Variants in MYO1C observed in about 807,000 individuals in gnomAD.
The protein encoded by MYO1C is unconventional myosin-Ic.
MYO1C carries 104 observed loss-of-function variants against 150.8 expected under a neutral mutation model. The observed-to-expected ratio is 0.69, with a 90% CI of 0.59 to 0.81. The LOEUF is 0.81. MYO1C is among the 30% of genes least tolerant of loss of function. The pLI, the probability that MYO1C is intolerant of heterozygous loss-of-function variation, is 0.00. For missense variants in MYO1C, 1,504 were observed against 1,435.0 expected (o/e 1.05, Z -0.78); for synonymous variants, 663 against 579.9 (o/e 1.14, Z -2.06).
chr17:1,484,952 G>C (rs1225548533), intron 1 of MYO1C: 1 of 469,488 alleles, frequency 2.1e-6, no homozygotes, highest in Admixed American at 2.4e-5. Flanking sequence ...ACACCAGAGG[G>C]GTTCCCCCAG....
Position 1,474,688 on chromosome 17 carries a change from G to A in MYO1C, c.1719C>T (p.Thr573=). 2 of 1,613,966 alleles carry A rather than the reference G, an allele frequency of 1.2e-6. No homozygotes were observed. Among genetic ancestry groups the A allele is most frequent in the Non-Finnish European group, 1.7e-6 (2 of 1,179,892 alleles). Reference sequence around the variant, plus strand: ...TAATGGGATTCTTTGAGCTACACATGGTCTGTGTGGGCAGAGCCGGGGTCA... The same window carrying A: ...TAATGGGATTCTTTGAGCTACACATAGTCTGTGTGGGCAGAGCCGGGGTCA... ...NDLLFRNLKE[T]MCSSKNPIMS... is the part of the protein sequence containing the mutation. The change falls in exon 17 of 32, where the codon ACC becomes ACT. Residue 573 remains threonine (T), a splice_region_variant and synonymous_variant. Coordinates refer to ENST00000648651, the MANE Select transcript of MYO1C (RefSeq NM_001080779.2).
At chr17:1,472,367 G>T in intron 17 of MYO1C, 139 bp from the exon 18 acceptor site, 2 of 721,476 alleles carry the variant, frequency 2.8e-6, no homozygotes, top group Non-Finnish European at 2.3e-6. Context: ...TCCCACCACA[G>T]CTTCCTCGCA....
rs1331474960 is a variant in MYO1C at position 1,472,242 on chromosome 17, A to G, written c.1798-14T>C. ...CTGGGTGGCGACCTGGCGAGCCAAGAGGCATGGGAGGTTGGCCGGAGCTGG... is the reference window on the plus strand; with the variant it reads ...CTGGGTGGCGACCTGGCGAGCCAAGGGGCATGGGAGGTTGGCCGGAGCTGG... On this transcript the variant is annotated splice_polypyrimidine_tract_variant and intron_variant, in intron 17 of 31. Coordinates refer to ENST00000648651, the MANE Select transcript of MYO1C (RefSeq NM_001080779.2). 2.5e-6 allele frequency: 4 copies of G among 1,612,496 alleles called. No individual in the cohort carries two copies. In the South Asian group the frequency reaches 3.3e-5, roughly 13 times the overall value.
intron 5 of MYO1C, among the ~76,000 whole-genome samples, chr17:1,481,823 A>G (rs1174034209): frequency 1.7e-4 from 13 of 75,378 alleles, no homozygotes; most frequent in African/African-American, 1.1e-3. Context: ...TTCTACTCAG[A>G]GTTAAAAAAA....
At position 1,470,599 on chromosome 17, in the gene MYO1C, G is replaced by C. The variant is rs751600621; in HGVS notation, c.2281+22C>G. 3.1e-6 allele frequency: 5 copies of C among 1,608,694 alleles called. No individual in the cohort carries two copies. The Admixed American group carries it at 6.7e-5, about 22-fold the overall frequency. On this transcript the variant is annotated intron_variant, in intron 22 of 31. Coordinates refer to ENST00000648651, the MANE Select transcript of MYO1C (RefSeq NM_001080779.2). ...CCTGGCCCCAGACCCCGCCCCTCCT[G>C]AACACCCATGGGCCCGCGAACCTGA... is the stretch of plus-strand genomic sequence containing the variant.
At chr17:1,466,858 C>T (rs2074182414) in intron 31 of MYO1C, among the ~76,000 whole-genome samples, 1 of 152,152 alleles carries the variant, frequency 6.6e-6, no homozygotes, top group Admixed American at 6.5e-5. Flanking sequence ...AACTCCTGAT[C>T]TCGGGTGATC....
chr17:1,491,536 G>A, intron 1 of MYO1C: 2 of 770,362 alleles, frequency 2.6e-6, no homozygotes, highest in Non-Finnish European at 3.1e-6. Flanking sequence ...GCGGCTCCCG[G>A]CCCGGCCGCC....
chr17:1,491,506 T>G, intron 1 of MYO1C: 2 of 413,066 alleles, frequency 4.8e-6, no homozygotes, highest in Non-Finnish European at 6.3e-6. Flanking sequence ...TCCCCGGCCG[T>G]GACCCCTGCC....
At position 1,465,763 on chromosome 17, in the gene MYO1C, G is replaced by A. The variant is rs888150365; in HGVS notation, c.3166-11C>T. On this transcript the variant is annotated splice_polypyrimidine_tract_variant and intron_variant, in intron 31 of 31. Coordinates refer to ENST00000648651, the MANE Select transcript of MYO1C (RefSeq NM_001080779.2). ...CAGCCGTGGGGCGACCTGTGGGGGC[G>A]GAGAGAGACGGCCAAGTGGTGAGGG... is the stretch of plus-strand genomic sequence containing the variant. 1.1e-5 allele frequency: 15 copies of A among 1,319,814 alleles called. No individual in the cohort carries two copies. The highest frequency in any genetic ancestry group is 5.8e-5 in the South Asian group (2 of 34,656). The allele number at this position is 1,319,814 out of a possible 1,614,324, so 81.8% of individuals were successfully genotyped here. A position where few individuals can be genotyped will look rare whatever the true frequency, so the allele number is the denominator to read the frequency against.
At chr17:1,491,601 G>T (rs1330643843) in intron 1 of MYO1C, 8 of 980,850 alleles carry the variant, frequency 8.2e-6, no homozygotes, top group Non-Finnish European at 9.7e-6. Flanking sequence ...AGTACCCACC[G>T]GCGTGGCTCT....
chr17:1,472,355 C>T (rs1304467379), intron 17 of MYO1C, 127 bp from the exon 18 acceptor site: 3 of 766,250 alleles, frequency 3.9e-6, no homozygotes, highest in Non-Finnish European at 6.5e-6. Flanking sequence ...GGTCCTTACT[C>T]CTCCCACCAC....
At position 1,484,139 on chromosome 17, in the gene MYO1C, G is replaced by A. The variant is rs2074598961; in HGVS notation, c.231+9C>T. On this transcript the variant is annotated intron_variant, in intron 2 of 31. Coordinates refer to ENST00000648651, the MANE Select transcript of MYO1C (RefSeq NM_001080779.2). ...CAGCACCCCTGCCATCTCCCCACAA[G>A]GGCCTCACGTAGATGAGATTCTCCC... 6.2e-7 allele frequency: 1 copy of A among 1,612,630 alleles called. No homozygotes were observed. Among genetic ancestry groups the A allele is most frequent in the Non-Finnish European group, 8.5e-7 (1 of 1,179,998 alleles).
At chr17:1,476,555 C>T (rs1390946251) in intron 14 of MYO1C, among the ~76,000 whole-genome samples, 3 of 152,188 alleles carry the variant, frequency 2.0e-5, no homozygotes, top group African/African-American at 4.8e-5. Context: ...GACCCCAGCT[C>T]GGCAACCCAG....
At chr17:1,492,309 C>T (rs2074744494) in intron 1 of MYO1C, 104 bp downstream of exon 1, 28 of 1,175,210 alleles carry the variant, frequency 2.4e-5, no homozygotes, top group Non-Finnish European at 3.3e-5. Context: ...GATCGGAACC[C>T]CTCCCCGCTG....
chr17:1,470,606 C>G lies in MYO1C; in HGVS notation c.2281+15G>C. 1.2e-6 allele frequency: 2 copies of G among 1,610,662 alleles called. No individual in the cohort carries two copies. The highest frequency in any genetic ancestry group is 1.7e-6 in the Non-Finnish European group (2 of 1,178,906). ...CCAGACCCCGCCCCTCCTGAACACC[C>G]ATGGGCCCGCGAACCTGATCTCTTC... On this transcript the variant is annotated intron_variant, in intron 22 of 31. Transcript: ENST00000648651.
intron 19 of MYO1C, 32 bp downstream of exon 19, chr17:1,471,875 C>T (rs757563373): frequency 1.2e-6 from 2 of 1,606,124 alleles, no homozygotes; most frequent in African/African-American, 1.3e-5. Context: ...TCCCGCTCCC[C>T]TTCCCTGGCA....
At chr17:1,469,307 G>C (rs2074246700) in intron 25 of MYO1C, 1 of 586,310 alleles carries the variant, frequency 1.7e-6, no homozygotes, top group South Asian at 1.8e-5. Flanking sequence ...CGGTAGGTGG[G>C]GTAAATACAG....
At chr17:1,474,447 A>T (rs9902393) in intron 17 of MYO1C, among the ~76,000 whole-genome samples, 163 bp downstream of exon 17, 1 of 149,116 alleles carries the variant, frequency 6.7e-6, no homozygotes. Flanking sequence ...AAAAAAAAAA[A>T]AAAGTAGGCA....
chr17:1,465,887 G>T, intron 31 of MYO1C, 135 bp from the exon 32 acceptor site: 1 of 596,722 alleles, frequency 1.7e-6, no homozygotes, highest in South Asian at 7.5e-5. Context: ...GGCTGGTCTT[G>T]GACTCCTGGG....
Sources: allele counts gnomAD v4.1 joint callset (sites outside exome capture counted in the v4.1 genomes callset), GRCh38; gene constraint gnomAD v4.1.1; transcripts MANE v1.5; gene names NCBI Gene and HGNC (gene_info 2026-07-23, HGNC 2026-07-21).